The following MAGI2 variants were observed in gnomAD, a reference collection of about 807,000 sequenced individuals.
MAGI2 encodes the protein membrane associated guanylate kinase, WW and PDZ domain containing 2, also known as membrane-associated guanylate kinase, WW and PDZ domain-containing protein 2.
Under a neutral mutation model 133.3 loss-of-function variants are expected in MAGI2, and 35 were observed. That is an observed-to-expected ratio of 0.26 (90% confidence interval 0.20 to 0.35). The LOEUF (loss-of-function observed/expected upper bound fraction) is 0.35, where lower values mean the gene tolerates loss of function less well. Among genes scored for constraint, MAGI2 ranks in the 10% least tolerant of loss-of-function variants. The probability of loss-of-function intolerance (pLI) is 1.00; values close to 1 mark genes in which losing one functional copy is unlikely to be tolerated. For missense variants in MAGI2, 1,636 were observed against 1,863.4 expected (o/e 0.88, Z 2.25); for synonymous variants, 729 against 710.6 (o/e 1.03, Z -0.41).
At chr7:78,427,285 A>G (rs1799369369) in intron 6 of MAGI2, among the ~76,000 whole-genome samples, 1 of 152,160 alleles carries the variant, frequency 6.6e-6, no homozygotes, top group Non-Finnish European at 1.5e-5. Context: ...TATTTTAATT[A>G]AAAACCCAAT....
chr7:78,523,138 CAT>C (rs1355112511), intron 3 of MAGI2, among the ~76,000 whole-genome samples: 1 of 152,176 alleles, frequency 6.6e-6, no homozygotes, highest in East Asian at 1.9e-4. Context: ...AACCAGAAGA[CAT>C]AGAATTTAGG....
At chr7:78,980,195 G>C (rs1804655273) in intron 2 of MAGI2, among the ~76,000 whole-genome samples, 1 of 151,706 alleles carries the variant, frequency 6.6e-6, no homozygotes, top group African/African-American at 2.4e-5. Flanking sequence ...TGTAAAATGA[G>C]ATAATGATTA....
At chr7:78,032,378 G>C (rs1352828618) in intron 21 of MAGI2, among the ~76,000 whole-genome samples, 2 of 151,942 alleles carry the variant, frequency 1.3e-5, no homozygotes, top group Non-Finnish European at 2.9e-5. Context: ...ACACACCTGG[G>C]TAGCTTCTGT....
chr7:78,506,704 G>A (rs1315798263), intron 4 of MAGI2, among the ~76,000 whole-genome samples: 1 of 152,230 alleles, frequency 6.6e-6, no homozygotes, highest in Non-Finnish European at 1.5e-5. Context: ...AGAACCGAAT[G>A]ATGTGCAGAT....
chr7:78,136,589 A>C (rs1463163796), intron 16 of MAGI2, among the ~76,000 whole-genome samples: 1 of 152,204 alleles, frequency 6.6e-6, no homozygotes, highest in Non-Finnish European at 1.5e-5. Context: ...CAAGGAGTTT[A>C]CCAAACTAGA....
At position 78,127,368 on chromosome 7, in the gene MAGI2, T is replaced by C; in HGVS notation, c.3252A>G (p.Arg1084=). The change falls in exon 19 of 22, where the codon CGA becomes CGG. Residue 1084 remains arginine (R), a synonymous_variant. Transcript: ENST00000354212. ...KARQDVKPDI[R]QPPFTDYRQP... ...GCCTGTAGTCTGTGAATGGAGGCTG[T>C]CGGATGTCTGGTTTCACATCTTGCC... 1.2e-6 allele frequency: 2 copies of C among 1,608,402 alleles called. No homozygotes were observed. Among genetic ancestry groups the C allele is most frequent in the Non-Finnish European group, 1.7e-6 (2 of 1,179,964 alleles).
Position 78,203,718 on chromosome 7 carries a change from T to G in MAGI2, c.2048-2525A>C, listed in dbSNP as rs538038464. 1.3e-4 allele frequency among the ~76,000 whole-genome samples: 20 copies of G among 152,364 alleles called. No individual in the cohort carries two copies. The South Asian group carries it at 4.1e-3, about 32-fold the overall frequency. Reference sequence around the variant, plus strand: ...ATGGTAAGAGAGAGCATCAGAATAATTTCCTTAAAAATAAATGCTATTTTT... The same window carrying G: ...ATGGTAAGAGAGAGCATCAGAATAAGTTCCTTAAAAATAAATGCTATTTTT... On this transcript the variant is annotated intron_variant, in intron 10 of 21. Coordinates refer to ENST00000354212, the MANE Select transcript of MAGI2 (RefSeq NM_012301.4).
At chr7:79,239,694 A>G (rs1267303493) in intron 1 of MAGI2, among the ~76,000 whole-genome samples, 2 of 152,194 alleles carry the variant, frequency 1.3e-5, no homozygotes, top group Non-Finnish European at 2.9e-5. Context: ...AATACCAACC[A>G]CAGACAAGTT....
chr7:78,724,612 G>A (rs1397770470), intron 2 of MAGI2, among the ~76,000 whole-genome samples: 1 of 152,160 alleles, frequency 6.6e-6, no homozygotes, highest in Non-Finnish European at 1.5e-5. Context: ...TCCTGTTGAG[G>A]AGGAAGGAGA....
chr7:78,736,688 T>C (rs1353278845), intron 2 of MAGI2, among the ~76,000 whole-genome samples: 1 of 152,120 alleles, frequency 6.6e-6, no homozygotes, highest in Non-Finnish European at 1.5e-5. Context: ...ACAGAAGCAG[T>C]GGCAAGTATA....
intron 2 of MAGI2, among the ~76,000 whole-genome samples, chr7:78,748,157 T>TA (rs1823104868): frequency 2.4e-4 from 4 of 16,572 alleles, no homozygotes; most frequent in South Asian, 1.5e-3. Flanking sequence ...CCTTGAGGAT[T>TA]TAAAAAAAAA....
intron 2 of MAGI2, among the ~76,000 whole-genome samples, chr7:78,926,098 CT>C (rs58768190): frequency 0.016 from 2,459 of 152,126 alleles, 74 homozygotes; most frequent in African/African-American, 0.056. Context: ...CTGTTCACCC[CT>C]ACCCCAATGT....
At chr7:78,737,409 A>C (rs1294735522) in intron 2 of MAGI2, among the ~76,000 whole-genome samples, 1 of 152,232 alleles carries the variant, frequency 6.6e-6, no homozygotes. Context: ...ATAAAGGTTC[A>C]TTGATATGGT....
At chr7:78,770,320 G>A (rs1753097329) in intron 2 of MAGI2, among the ~76,000 whole-genome samples, 1 of 152,134 alleles carries the variant, frequency 6.6e-6, no homozygotes, top group Admixed American at 6.5e-5. Context: ...GGCTCCAATA[G>A]GAGGTAAAAC....
intron 6 of MAGI2, among the ~76,000 whole-genome samples, chr7:78,450,185 A>C (rs2151481102): frequency 6.6e-6 from 1 of 152,112 alleles, no homozygotes; most frequent in South Asian, 2.1e-4. Flanking sequence ...TCATACTAGT[A>C]TGAGGGCTGT....
At chr7:79,324,046 A>T (rs1460801330) in intron 1 of MAGI2, among the ~76,000 whole-genome samples, 1 of 152,126 alleles carries the variant, frequency 6.6e-6, no homozygotes, top group Non-Finnish European at 1.5e-5. Context: ...TTCCTCTGGT[A>T]TGTGATTTAG....
At chr7:78,929,124 A>C (rs186601486) in intron 2 of MAGI2, among the ~76,000 whole-genome samples, 90 of 152,270 alleles carry the variant, frequency 5.9e-4, no homozygotes, top group African/African-American at 2.1e-3. Flanking sequence ...ATGTGTGTTA[A>C]ATATAATGAT....
chr7:79,306,872 G>A (rs1486613531), intron 1 of MAGI2, among the ~76,000 whole-genome samples: 1 of 151,478 alleles, frequency 6.6e-6, no homozygotes, highest in African/African-American at 2.4e-5. Flanking sequence ...GGAGTGCAGT[G>A]GTGTGATCTT....
chr7:78,925,165 C>T (rs1035815299), intron 2 of MAGI2, among the ~76,000 whole-genome samples: 20 of 152,148 alleles, frequency 1.3e-4, no homozygotes, highest in African/African-American at 4.3e-4. Context: ...TTGGCCAGAA[C>T]TCCAGTGGGA....
Sources: gnomAD v4.1 joint callset for allele counts (sites outside exome capture counted in the v4.1 genomes callset) on GRCh38, gnomAD v4.1.1 for gene constraint, MANE v1.5 for transcripts, NCBI Gene and HGNC (gene_info 2026-07-23, HGNC 2026-07-21) for gene names.